The following ANK1 variants were observed in gnomAD, a reference collection of about 807,000 sequenced individuals.
The protein encoded by ANK1 is ankyrin-1.
In ANK1, 51 loss-of-function variants were observed where a neutral mutation model predicts 210.4. That is an observed-to-expected ratio of 0.24 (90% CI 0.19 to 0.31). The LOEUF is 0.31. ANK1 is among the 10% of genes least tolerant of loss of function. ANK1 has a pLI of 1.00. For missense variants in ANK1, 2,051 were observed against 2,504.4 expected (o/e 0.82, Z 3.86); for synonymous variants, 967 against 1,025.9 (o/e 0.94, Z 1.10).
In ANK1 at chr8:41,697,681, G is replaced by T. The variant is rs927595112; in HGVS notation, c.2637+362C>A. On this transcript the variant is annotated intron_variant, in intron 24 of 42. Coordinates refer to ENST00000289734, the MANE Select transcript of ANK1 (RefSeq NM_000037.4). ...GCCCTCCTGCCTGAGCCTGTCCGGG[G>T]TGCACAGCAGGAATCCAGTAAACAT... 10 of 370,644 alleles carry T rather than the reference G, an allele frequency of 2.7e-5. No individual in the cohort carries two copies. In the East Asian group the frequency reaches 4.7e-4, roughly 17 times the overall value. 23.0% of individuals were successfully genotyped at this position (370,644 alleles called of 1,614,324 possible). A position where few individuals can be genotyped will look rare whatever the true frequency, so the allele number is the denominator to read the frequency against.
chr8:41,786,498 A>G (rs1221367462), intron 1 of ANK1, among the ~76,000 whole-genome samples: 1 of 152,214 alleles, frequency 6.6e-6, no homozygotes, highest in Non-Finnish European at 1.5e-5. Context: ...AAGCCATCCC[A>G]TTTATTCAAA....
chr8:41,708,809 G>T lies in ANK1; in HGVS notation c.1967C>A (p.Ser656Ter), dbSNP rs760560030. 1 of 1,613,822 alleles carries T rather than the reference G, an allele frequency of 6.2e-7. No homozygotes were observed. Among genetic ancestry groups the T allele is most frequent in the African/African-American group, 1.3e-5 (1 of 74,896 alleles). ...CCCCAGGTTGCCATTGGCTTGTTTC[G>T]AGAGCAGCAGAGCCACCATCTCTGC... ...GHAEMVALLL[S>*]KQANGNLGNK... is the part of the protein sequence containing the mutation. The change falls in exon 17 of 43, where the codon TCG becomes TAG. Residue 656 changes from serine to a stop codon, truncating the protein, a stop_gained. Transcript: ENST00000289734. LOFTEE classifies it high-confidence loss of function.
chr8:41,668,204 G>A, intron 39 of ANK1, 63 bp downstream of exon 39: 1 of 1,608,678 alleles, frequency 6.2e-7, no homozygotes, highest in Non-Finnish European at 8.5e-7. Context: ...GGCAGCCCTG[G>A]AGTCCCGGCC....
At chr8:41,770,080 C>T (rs1842724043) in intron 1 of ANK1, among the ~76,000 whole-genome samples, 1 of 139,640 alleles carries the variant, frequency 7.2e-6, no homozygotes, top group Non-Finnish European at 1.5e-5. Context: ...CTCCCAGGTT[C>T]AAGCGATTCT....
intron 1 of ANK1, among the ~76,000 whole-genome samples, chr8:41,823,850 AC>A (rs1178578761): frequency 2.6e-5 from 4 of 152,182 alleles, no homozygotes; most frequent in African/African-American, 9.7e-5. Context: ...CTCCTTCCTA[AC>A]CCAATATTAT....
At chr8:41,834,354 C>T (rs79378943) in intron 1 of ANK1, among the ~76,000 whole-genome samples, 3,051 of 152,358 alleles carry the variant, frequency 0.02, 107 homozygotes, top group African/African-American at 0.069. Context: ...AGAAGATGAG[C>T]TTCAGGTTCC....
At chr8:41,881,361 C>A (rs952357294) in intron 1 of ANK1, among the ~76,000 whole-genome samples, 6 of 152,330 alleles carry the variant, frequency 3.9e-5, no homozygotes, top group Admixed American at 2.6e-4. Flanking sequence ...ACTGCCCATA[C>A]CCTGGTGTGT....
At chr8:41,894,323 G>A (rs191647332) in intron 1 of ANK1, among the ~76,000 whole-genome samples, 2 of 151,916 alleles carry the variant, frequency 1.3e-5, no homozygotes, top group South Asian at 2.1e-4. Context: ...TGCTGCGACC[G>A]GCTAGTAAAA....
chr8:41,675,654 A>G (rs1813878879), intron 37 of ANK1, among the ~76,000 whole-genome samples: 1 of 152,268 alleles, frequency 6.6e-6, no homozygotes, highest in Non-Finnish European at 1.5e-5. Flanking sequence ...ATACGTTGTG[A>G]CACATGTGTA....
chr8:41,828,923 C>T (rs1039412588), intron 1 of ANK1: 1 of 152,302 alleles, frequency 6.6e-6, no homozygotes, highest in Admixed American at 6.5e-5. Flanking sequence ...GGGGCGCCGC[C>T]CTCCTCGGGG....
chr8:41,807,297 A>T (rs1851108064), intron 1 of ANK1, among the ~76,000 whole-genome samples: 1 of 152,192 alleles, frequency 6.6e-6, no homozygotes, highest in Non-Finnish European at 1.5e-5. Context: ...AGGTCACAGA[A>T]CCAGTGAGAA....
At chr8:41,658,350 C>T (rs1806500354) in intron 42 of ANK1, among the ~76,000 whole-genome samples, 1 of 152,224 alleles carries the variant, frequency 6.6e-6, no homozygotes, top group Non-Finnish European at 1.5e-5. Flanking sequence ...CATATATGTT[C>T]TTATTTACTC....
At chr8:41,668,624 C>T (rs1811297270) in intron 38 of ANK1, 60 bp from the exon 39 acceptor site, 5 of 1,531,476 alleles carry the variant, frequency 3.3e-6, no homozygotes, top group Non-Finnish European at 4.5e-6. Flanking sequence ...CACCTGGTCA[C>T]CCATCAGTCT....
intron 37 of ANK1, among the ~76,000 whole-genome samples, chr8:41,675,199 T>C (rs1325821417): frequency 1.3e-5 from 2 of 152,230 alleles, no homozygotes; most frequent in Non-Finnish European, 2.9e-5. Flanking sequence ...CAAGTGATTC[T>C]CCTGCCTTAG....
chr8:41,804,894 A>G (rs754176955), intron 1 of ANK1, among the ~76,000 whole-genome samples: 1 of 152,220 alleles, frequency 6.6e-6, no homozygotes, highest in African/African-American at 2.4e-5. Context: ...AAGCTTTAAA[A>G]GGTTAAACAA....
In ANK1 at chr8:41,719,789, A is replaced by G. The variant is rs199722411; in HGVS notation, c.979T>C (p.Tyr327His). ...GTGATGTCGTCTATCTCTGCGTCGTATTGCAACAGGAGCCGGACACAGTCG... is the reference window on the plus strand; with the variant it reads ...GTGATGTCGTCTATCTCTGCGTCGTGTTGCAACAGGAGCCGGACACAGTCG... ...HLDCVRLLLQYDAEIDDITLD... is the reference protein window; with the variant it reads ...HLDCVRLLLQHDAEIDDITLD... Residue 327 changes from tyrosine to histidine, a missense_variant, in exon 10 of 43, where the codon TAC becomes CAC. This residue lies in a region of ANK1 where 1,413 missense variants were observed against 1,707.4 expected (regional missense o/e 0.83). Coordinates refer to ENST00000289734, the MANE Select transcript of ANK1 (RefSeq NM_000037.4). 1.2e-6 allele frequency: 2 copies of G among 1,614,112 alleles called. No homozygotes were observed. The highest frequency in any genetic ancestry group is 2.7e-5 in the African/African-American group (2 of 75,012).
At chr8:41,661,073 G>T in intron 42 of ANK1, 1 of 313,474 alleles carries the variant, frequency 3.2e-6, no homozygotes, top group South Asian at 3.2e-5. Context: ...ATGGGGTCTT[G>T]CTCTGTTGCC....
At chr8:41,790,900 T>C (rs1847531749) in intron 1 of ANK1, among the ~76,000 whole-genome samples, 1 of 152,136 alleles carries the variant, frequency 6.6e-6, no homozygotes, top group African/African-American at 2.4e-5. Flanking sequence ...GTTAGACAGA[T>C]GGGAGATGAG....
intron 16 of ANK1, among the ~76,000 whole-genome samples, chr8:41,709,264 T>A (rs1417750033): frequency 4.6e-5 from 7 of 152,224 alleles, no homozygotes; most frequent in Admixed American, 3.3e-4. Flanking sequence ...GAAGGCTGGG[T>A]AAGGAAATGA....
Sources: gnomAD v4.1 joint callset for allele counts (sites outside exome capture counted in the v4.1 genomes callset) on GRCh38, gnomAD v4.1.1 for gene constraint, gnomAD v4.1.1 regional missense constraint, MANE v1.5 for transcripts, NCBI Gene and HGNC (gene_info 2026-07-23, HGNC 2026-07-21) for gene names.